TTC34: variants seen among roughly 807,000 people sequenced by gnomAD.
TTC34 encodes tetratricopeptide repeat protein 34.
Under a neutral mutation model 40.7 loss-of-function variants are expected in TTC34, and 44 were observed. The observed-to-expected ratio is 1.08, with a 90% CI of 0.85 to 1.39. The LOEUF (loss-of-function observed/expected upper bound fraction) is 1.39, where lower values mean the gene tolerates loss of function less well. Ranked by LOEUF, TTC34 falls within the 40% of genes most tolerant of loss-of-function variation. The probability of loss-of-function intolerance (pLI) is 0.00; values close to 1 mark genes in which losing one functional copy is unlikely to be tolerated. For missense variants in TTC34, 884 were observed against 838.0 expected (o/e 1.05, Z -0.68); for synonymous variants, 422 against 398.6 (o/e 1.06, Z -0.70).
At chr1:2,652,806 CCCCCAGACGAGCA>C in intron 6 of TTC34, among the ~76,000 whole-genome samples, 1 of 148,908 alleles carries the variant, frequency 6.7e-6, no homozygotes, top group East Asian at 2.0e-4. Context: ...AGCAACCACA[CCCCCAGACGAGCA>C]TCTGACAGCC....
chr1:2,778,887 T>G (rs1334885147), intron 6 of TTC34, among the ~76,000 whole-genome samples: 1 of 152,192 alleles, frequency 6.6e-6, no homozygotes, highest in African/African-American at 2.4e-5. Flanking sequence ...ACTGAAACTC[T>G]GTCCCCGTTA....
chr1:2,781,407 T>G (rs1404733127), intron 6 of TTC34, among the ~76,000 whole-genome samples: 1 of 152,196 alleles, frequency 6.6e-6, no homozygotes, highest in Non-Finnish European at 1.5e-5. Flanking sequence ...CTGAATTCAT[T>G]TATTAGTTCT....
At position 2,749,515 on chromosome 1, in the gene TTC34, C is replaced by T. The variant is rs1481516979; in HGVS notation, c.2226+34094G>A. The stretch of plus-strand genomic sequence containing the variant: ...GTGAGCATTGGACAGCCTGGAGCAG[C>T]ACCCAGATTCCCAGGCAAGCATCTG... On this transcript the variant is annotated intron_variant, in intron 6 of 8. Coordinates refer to ENST00000401095, the Ensembl canonical transcript of TTC34. 2.9e-5 allele frequency among the ~76,000 whole-genome samples: 2 copies of T among 68,820 alleles called. 1 individual carries two copies. The highest frequency in any genetic ancestry group is 5.0e-5 in the Non-Finnish European group (2 of 39,728). The allele number at this position is 68,820 out of a possible 152,430, so 45.1% of individuals were successfully genotyped here. A position where few individuals can be genotyped will look rare whatever the true frequency, so the allele number is the denominator to read the frequency against.
At chr1:2,771,769 GGT>G (rs1642213333) in intron 6 of TTC34, among the ~76,000 whole-genome samples, 1 of 124,932 alleles carries the variant, frequency 8.0e-6, no homozygotes, top group Admixed American at 7.3e-5. Context: ...CACACCCCCA[GGT>G]GAGCATCTGG....
chr1:2,694,925 C>A (rs200038865), intron 6 of TTC34, among the ~76,000 whole-genome samples: 1 of 3,890 alleles, frequency 2.6e-4, no homozygotes, highest in Non-Finnish European at 5.0e-4. Flanking sequence ...CACGCGAGCA[C>A]CTGACATCCT....
intron 6 of TTC34, among the ~76,000 whole-genome samples, chr1:2,691,633 C>T (rs1270132999): frequency 0.02 from 1,157 of 57,486 alleles, no homozygotes; most frequent in Middle Eastern, 0.1. Flanking sequence ...CCCCCAGGTG[C>T]GCACGTGACA....
At chr1:2,752,874 G>C (rs1413748111) in intron 6 of TTC34, among the ~76,000 whole-genome samples, 1 of 143,364 alleles carries the variant, frequency 7.0e-6, no homozygotes, top group African/African-American at 2.6e-5. Context: ...AGCATCTGAT[G>C]GCCTGGAACG....
chr1:2,700,093 T>G (rs1439028790), intron 6 of TTC34, among the ~76,000 whole-genome samples: 1 of 64,472 alleles, frequency 1.6e-5, no homozygotes, highest in African/African-American at 4.8e-5. Flanking sequence ...GCACCCACAG[T>G]CCCAGGTGAG....
At chr1:2,651,091 C>G (rs1557583399) in intron 6 of TTC34, among the ~76,000 whole-genome samples, 1 of 150,906 alleles carries the variant, frequency 6.6e-6, no homozygotes, top group Non-Finnish European at 1.5e-5. Flanking sequence ...ATCAGAAAGC[C>G]TGGAACGGCA....
rs538000482 is a variant in TTC34 at position 2,768,125 on chromosome 1, C to A, written c.2226+15484G>T. 3.1e-4 allele frequency among the ~76,000 whole-genome samples: 47 copies of A among 151,604 alleles called. No homozygotes were observed. The East Asian group carries it at 8.8e-3, about 29-fold the overall frequency. On this transcript the variant is annotated intron_variant, in intron 6 of 8. Coordinates refer to ENST00000401095, the Ensembl canonical transcript of TTC34. ...CTGACAGCCTAGAGCGGCACCTGCA[C>A]ACTTAGGTAAGAATCTGAAAGCCTG... is the stretch of plus-strand genomic sequence containing the variant.
intron 6 of TTC34, among the ~76,000 whole-genome samples, chr1:2,760,051 A>T: frequency 9.6e-6 from 1 of 103,868 alleles, no homozygotes; most frequent in Non-Finnish European, 1.8e-5. Context: ...CACCCAAGTG[A>T]GCATCTGACA....
exon 6 of TTC34, chr1:2,783,667 C>T: frequency 1.3e-6 from 2 of 1,537,142 alleles, no homozygotes; most frequent in South Asian, 1.2e-5. Flanking sequence ...CTGCACGTTC[C>T]CCGGCTCAGC....
At chr1:2,644,504 C>T in intron 7 of TTC34, 26 bp from the exon 8 acceptor site, 3 of 1,526,144 alleles carry the variant, frequency 2.0e-6, no homozygotes, top group East Asian at 2.5e-5. Context: ...GAGGGACAGT[C>T]AGTGTGTGGG....
At chr1:2,776,359 A>T (rs1569906182) in intron 6 of TTC34, 2 of 112,746 alleles carry the variant, frequency 1.8e-5, no homozygotes, top group South Asian at 5.7e-4. Context: ...TGGTAAAACA[A>T]CCCCCTTCAG....
chr1:2,801,158 G>A (rs945721277), intron 1 of TTC34, among the ~76,000 whole-genome samples: 3 of 152,150 alleles, frequency 2.0e-5, no homozygotes, highest in African/African-American at 7.2e-5. Flanking sequence ...TCTGACCCCT[G>A]AGTGTCCATG....
intron 6 of TTC34, among the ~76,000 whole-genome samples, chr1:2,690,398 CCCA>C (rs1640563470): frequency 6.6e-6 from 1 of 151,298 alleles, no homozygotes; most frequent in African/African-American, 2.4e-5. Flanking sequence ...GAGCATCTGA[CCCA>C]ACGGAGCAGA....
rs1244831341 is a variant in TTC34 at position 2,645,494 on chromosome 1, G to A, written c.2296C>T (p.Leu766=). The A allele has an allele frequency of 6.5e-7, 1 of 1,529,938 alleles. No individual in the cohort carries two copies. Among genetic ancestry groups the A allele is most frequent in the Non-Finnish European group, 8.7e-7 (1 of 1,144,232 alleles). The allele number at this position is 1,529,938 out of a possible 1,614,324, so 94.8% of individuals were successfully genotyped here. A position where few individuals can be genotyped will look rare whatever the true frequency, so the allele number is the denominator to read the frequency against. The change falls in exon 7 of 9, where the codon CTG becomes TTG. Residue 766 remains leucine, a synonymous_variant. Coordinates refer to ENST00000401095, the Ensembl canonical transcript of TTC34. This position sits in a 1 kb window ranked among gnomAD's most constrained non-coding sequence, Gnocchi z 4.7. ...ATGAGGGCCTGGGCTTCCGGCTTCA[G>A]AGAGCGGAGCTCAGGGACCACAGTC...
At chr1:2,800,179 C>T (rs1299167509) in exon 2 of TTC34, 4 of 398,418 alleles carry the variant, frequency 1.0e-5, no homozygotes, top group African/African-American at 8.2e-5. Flanking sequence ...TCCAGAGCCG[C>T]CAGGAGTCGC....
chr1:2,646,266 A>G (rs1639020080), intron 6 of TTC34, among the ~76,000 whole-genome samples: 1 of 152,168 alleles, frequency 6.6e-6, no homozygotes, highest in African/African-American at 2.4e-5. Flanking sequence ...ATATGGGGCC[A>G]CTTTACCTAA....
Sources: gnomAD v4.1 joint callset for allele counts (sites outside exome capture counted in the v4.1 genomes callset) on GRCh38, gnomAD v4.1.1 for gene constraint, Gnocchi (gnomAD v3.1) non-coding constraint, MANE v1.5 for transcripts, NCBI Gene and HGNC (gene_info 2026-07-23, HGNC 2026-07-21) for gene names.